The following GRM3 variants were observed in gnomAD, a reference collection of about 807,000 sequenced individuals.
GRM3 encodes metabotropic glutamate receptor 3.
In GRM3, 26 loss-of-function variants were observed where a neutral mutation model predicts 70.5. The observed-to-expected ratio is 0.37, with a 90% CI of 0.27 to 0.51. The LOEUF (loss-of-function observed/expected upper bound fraction) is 0.51. GRM3 is among the 20% of genes least tolerant of loss of function. The pLI, the probability that GRM3 is intolerant of heterozygous loss-of-function variation, is 0.93. For missense variants in GRM3, 859 were observed against 1,123.8 expected, an observed-to-expected ratio of 0.76 and a Z score of 3.37; for synonymous variants, 443 against 434.9, an observed-to-expected ratio of 1.02 and a Z score of -0.23.
chr7:86,663,077 C>T (rs1328706739), intron 1 of GRM3, among the ~76,000 whole-genome samples: 1 of 151,546 alleles, frequency 6.6e-6, no homozygotes, highest in East Asian at 1.9e-4. Flanking sequence ...ACTAGAAATT[C>T]AAAATTATTT....
chr7:86,669,826 A>C (rs1196511972), intron 1 of GRM3, among the ~76,000 whole-genome samples: 2 of 152,146 alleles, frequency 1.3e-5, no homozygotes, highest in Admixed American at 6.5e-5. Context: ...GAATACACTT[A>C]GTCTCTCAAT....
intron 3 of GRM3, among the ~76,000 whole-genome samples, chr7:86,808,986 A>G (rs1452943139): frequency 6.6e-6 from 1 of 152,116 alleles, no homozygotes; most frequent in Non-Finnish European, 1.5e-5. Flanking sequence ...GACAGGAACA[A>G]TATCAAAGAT....
intron 1 of GRM3, among the ~76,000 whole-genome samples, chr7:86,749,191 A>G (rs1034116333): frequency 1.3e-5 from 2 of 152,088 alleles, no homozygotes; most frequent in Non-Finnish European, 2.9e-5. Flanking sequence ...TTTAAACAAA[A>G]TCTGCTTTTC....
chr7:86,746,817 G>A (rs747010674), intron 1 of GRM3, among the ~76,000 whole-genome samples: 9 of 152,094 alleles, frequency 5.9e-5, no homozygotes, highest in African/African-American at 2.2e-4. Context: ...TGAATAATAG[G>A]GTTGGCAAAT....
rs775964467 is a variant in GRM3, at chr7:86,850,441, C to G, written c.2463C>G (p.Pro821=). ...GFVVLGCLFA[P]KVHIILFQPQ... ...TGGTCTTGGGCTGTTTGTTTGCACC[C>G]AAGGTTCACATCATCCTGTTTCAAC... Residue 821 remains proline (P), a synonymous_variant, in exon 5 of 6, where the codon CCC becomes CCG. Coordinates refer to ENST00000361669, the MANE Select transcript of GRM3 (RefSeq NM_000840.3). The G allele has an allele frequency of 3.7e-6, 6 of 1,611,930 alleles. No homozygotes were observed. Among genetic ancestry groups the G allele is most frequent in the Non-Finnish European group, 5.1e-6 (6 of 1,178,246 alleles).
At chr7:86,736,227 A>C (rs1795855160) in intron 1 of GRM3, among the ~76,000 whole-genome samples, 1 of 152,168 alleles carries the variant, frequency 6.6e-6, no homozygotes, top group Non-Finnish European at 1.5e-5. Flanking sequence ...CCTCATGGGA[A>C]GGCAGGTAGG....
At chr7:86,834,630 C>A (rs1798420054) in intron 3 of GRM3, among the ~76,000 whole-genome samples, 1 of 147,048 alleles carries the variant, frequency 6.8e-6, no homozygotes, top group African/African-American at 2.5e-5. Flanking sequence ...CTCTTTCAAT[C>A]AGTTTTATTG....
At chr7:86,695,286 G>A (rs1794789683) in intron 1 of GRM3, among the ~76,000 whole-genome samples, 1 of 152,152 alleles carries the variant, frequency 6.6e-6, no homozygotes, top group African/African-American at 2.4e-5. Context: ...ATTATGAAAA[G>A]AGTATCTGAT....
At chr7:86,673,404 T>TC (rs1230432564) in intron 1 of GRM3, among the ~76,000 whole-genome samples, 5 of 151,988 alleles carry the variant, frequency 3.3e-5, no homozygotes, top group Admixed American at 1.3e-4. Flanking sequence ...ACCCATTCTT[T>TC]CCTCCTTCTT....
intron 1 of GRM3, among the ~76,000 whole-genome samples, chr7:86,747,701 C>T (rs540508041): frequency 8.6e-5 from 13 of 152,030 alleles, no homozygotes; most frequent in Non-Finnish European, 1.9e-4. Context: ...GGTAAACATC[C>T]AAAATGGTTA....
intron 3 of GRM3, among the ~76,000 whole-genome samples, chr7:86,825,310 A>T (rs911105298): frequency 6.6e-6 from 1 of 152,256 alleles, no homozygotes; most frequent in Non-Finnish European, 1.5e-5. Flanking sequence ...TTGTCACCTC[A>T]ATTATTTCCA....
chr7:86,845,119 ATCTCAGGTGATCT>A (rs541180114), intron 4 of GRM3, among the ~76,000 whole-genome samples: 384 of 152,142 alleles, frequency 2.5e-3, no homozygotes, highest in African/African-American at 8.7e-3. Context: ...CAAACTCCTG[ATCTCAGGTGATCT>A]TCCCACCTCA....
At chr7:86,712,569 G>A (rs1344039149) in intron 1 of GRM3, among the ~76,000 whole-genome samples, 3 of 151,860 alleles carry the variant, frequency 2.0e-5, no homozygotes, top group East Asian at 3.9e-4. Context: ...TATATCTATA[G>A]AACACTAGGT....
intron 1 of GRM3, among the ~76,000 whole-genome samples, chr7:86,684,575 C>G (rs1794516736): frequency 6.6e-6 from 1 of 152,158 alleles, no homozygotes; most frequent in Admixed American, 6.5e-5. Flanking sequence ...CCCTCTTTCC[C>G]CTCAAAGCTT....
intron 1 of GRM3, among the ~76,000 whole-genome samples, chr7:86,762,704 T>A (rs1272652476): frequency 6.6e-6 from 1 of 152,130 alleles, no homozygotes; most frequent in Non-Finnish European, 1.5e-5. Flanking sequence ...GGAAGGGAGA[T>A]AAGACAGAAT....
chr7:86,861,877 A>T (rs1798967049), intron 5 of GRM3, among the ~76,000 whole-genome samples: 1 of 152,190 alleles, frequency 6.6e-6, no homozygotes, highest in Non-Finnish European at 1.5e-5. Context: ...ACAAAAAAGC[A>T]AGAGTGGAAA....
intron 1 of GRM3, among the ~76,000 whole-genome samples, chr7:86,686,405 T>A (rs1794568643): frequency 6.6e-6 from 1 of 152,214 alleles, no homozygotes; most frequent in African/African-American, 2.4e-5. Context: ...AAATTTTTCT[T>A]GTGTGATACA....
At chr7:86,857,441 T>G (rs1798871723) in intron 5 of GRM3, among the ~76,000 whole-genome samples, 1 of 152,166 alleles carries the variant, frequency 6.6e-6, no homozygotes, top group African/African-American at 2.4e-5. Context: ...TTTAAAAGCA[T>G]AAATTTTGGC....
intron 1 of GRM3, among the ~76,000 whole-genome samples, chr7:86,726,003 G>T (rs1399986591): frequency 2.0e-5 from 3 of 152,168 alleles, no homozygotes; most frequent in African/African-American, 7.2e-5. Flanking sequence ...CATCACACTG[G>T]GGATTAGGCT....
Sources: allele counts gnomAD v4.1 joint callset (sites outside exome capture counted in the v4.1 genomes callset), GRCh38; gene constraint gnomAD v4.1.1; transcripts MANE v1.5; gene names NCBI Gene and HGNC (gene_info 2026-07-23, HGNC 2026-07-21).